The following SNTB1 variants were observed in gnomAD, a reference collection of about 807,000 sequenced individuals.
SNTB1 encodes beta-1-syntrophin.
In SNTB1, 36 loss-of-function variants were observed where a neutral mutation model predicts 48.9. That is an observed-to-expected ratio of 0.74 (90% CI 0.56 to 0.97). SNTB1 has a LOEUF of 0.97. Among genes scored for constraint, SNTB1 ranks in the 50% least tolerant of loss-of-function variants. The pLI is 0.00. For synonymous variants in SNTB1, 299 were observed against 294.6 expected, an observed-to-expected ratio of 1.01 and a Z score of -0.15; for missense variants, 786 against 703.4, an observed-to-expected ratio of 1.12 and a Z score of -1.33.
chr8:120,570,911 G>T (rs1001539929), intron 4 of SNTB1: 7 of 177,822 alleles, frequency 3.9e-5, no homozygotes, highest in Non-Finnish European at 8.2e-5. Context: ...CACTGTCCAG[G>T]CAGAGTTTGG....
intron 1 of SNTB1, among the ~76,000 whole-genome samples, chr8:120,755,868 C>T (rs1819310524): frequency 6.6e-6 from 1 of 152,090 alleles, no homozygotes; most frequent in South Asian, 2.1e-4. Flanking sequence ...ATTATAACCC[C>T]CATTTGCCAG....
intron 2 of SNTB1, among the ~76,000 whole-genome samples, chr8:120,670,535 G>A (rs1426050989): frequency 6.6e-6 from 1 of 152,196 alleles, no homozygotes; most frequent in Non-Finnish European, 1.5e-5. Context: ...GTAGGGAAGT[G>A]AGAGGATGAT....
chr8:120,624,732 A>ATGAG (rs57004201), intron 3 of SNTB1, among the ~76,000 whole-genome samples: 134,021 of 151,900 alleles, frequency 0.88, 59,408 homozygotes, highest in African/African-American at 0.97. Flanking sequence ...TACATCAGAT[A>ATGAG]TGAGACTCAA....
intron 6 of SNTB1, among the ~76,000 whole-genome samples, chr8:120,539,574 T>A (rs369399066): frequency 3.9e-5 from 6 of 152,222 alleles, no homozygotes; most frequent in African/African-American, 1.2e-4. Flanking sequence ...ATCTGAAGTC[T>A]TATGCTTCTT....
chr8:120,591,521 C>T (rs1050999121), intron 3 of SNTB1, among the ~76,000 whole-genome samples: 2 of 152,118 alleles, frequency 1.3e-5, no homozygotes, highest in African/African-American at 4.8e-5. Flanking sequence ...TGGTTTTATA[C>T]CTCAAAATGT....
chr8:120,646,748 T>A (rs1288312565), intron 2 of SNTB1, among the ~76,000 whole-genome samples: 1 of 152,182 alleles, frequency 6.6e-6, no homozygotes, highest in East Asian at 1.9e-4. Context: ...TGGTACCAGT[T>A]CCTCCTTGTA....
chr8:120,707,675 C>A lies in SNTB1; in HGVS notation c.572-13767G>T, dbSNP rs546265962. Among the ~76,000 whole-genome samples, 5 of 152,164 alleles carry A rather than the reference C, an allele frequency of 3.3e-5. No individual in the cohort carries two copies. In the East Asian group the frequency reaches 9.6e-4, roughly 29 times the overall value. On this transcript the variant is annotated intron_variant, in intron 1 of 6. Coordinates refer to ENST00000517992, the MANE Select transcript of SNTB1 (RefSeq NM_021021.4). The stretch of plus-strand genomic sequence containing the variant: ...TTTAACAATAAAAAGGTAGGCAAAT[C>A]GAGGTTCATAGAGTTTAAATATCTT...
chr8:120,740,090 G>A (rs1038872496), intron 1 of SNTB1, among the ~76,000 whole-genome samples: 1 of 152,178 alleles, frequency 6.6e-6, no homozygotes, highest in Admixed American at 6.5e-5. Flanking sequence ...TTGCCAGAGG[G>A]TGGATACTTA....
intron 3 of SNTB1, among the ~76,000 whole-genome samples, chr8:120,598,224 G>A (rs1296652758): frequency 6.6e-6 from 1 of 152,114 alleles, no homozygotes; most frequent in Non-Finnish European, 1.5e-5. Flanking sequence ...TCCAGGAAGA[G>A]TCTCAATTCT....
chr8:120,761,946 T>C, intron 1 of SNTB1, among the ~76,000 whole-genome samples: 1 of 152,348 alleles, frequency 6.6e-6, no homozygotes, highest in Non-Finnish European at 1.5e-5. Context: ...CTCATGGATT[T>C]CTAGTTCTTA....
chr8:120,589,151 G>A (rs1816198046), intron 3 of SNTB1, among the ~76,000 whole-genome samples: 1 of 152,134 alleles, frequency 6.6e-6, no homozygotes, highest in African/African-American at 2.4e-5. Context: ...ACTCTGATGT[G>A]CAGCCTGCTT....
chr8:120,766,166 T>A (rs1239574800), intron 1 of SNTB1, among the ~76,000 whole-genome samples: 3 of 152,200 alleles, frequency 2.0e-5, no homozygotes, highest in Non-Finnish European at 4.4e-5. Context: ...AAATGCTGCA[T>A]AACCACTGAG....
intron 3 of SNTB1, among the ~76,000 whole-genome samples, chr8:120,582,131 C>T (rs1198798560): frequency 6.6e-6 from 1 of 152,204 alleles, no homozygotes; most frequent in East Asian, 1.9e-4. Flanking sequence ...AGACAGTACT[C>T]TGGGCATTAA....
chr8:120,584,250 TG>T (rs1407305839), intron 3 of SNTB1, among the ~76,000 whole-genome samples: 1 of 152,072 alleles, frequency 6.6e-6, no homozygotes, highest in African/African-American at 2.4e-5. Context: ...GAGACCAGCC[TG>T]GCCAACACTG....
Position 120,811,785 on chromosome 8 carries a change from G to T in SNTB1, c.59C>A (p.Ala20Glu), listed in dbSNP as rs1488448634. The change falls in exon 1 of 7, where the codon GCG becomes GAG. Residue 20 changes from alanine to glutamate, a missense_variant. By Grantham distance (107) the Ala-to-Glu change is moderately radical (BLOSUM62 -1). Transcript: ENST00000517992. ...AGPAGAGGGRAQRSGLLEVLV... is the reference protein window; with the variant it reads ...AGPAGAGGGREQRSGLLEVLV... ...AACTTCCAGCAGCCCGCTCCGCTGCGCCCGGCCGCCTCCCGCGCCAGCCGG... is the reference window on the plus strand; with the variant it reads ...AACTTCCAGCAGCCCGCTCCGCTGCTCCCGGCCGCCTCCCGCGCCAGCCGG... The T allele has an allele frequency of 2.1e-6, 3 of 1,461,650 alleles. No homozygotes were observed. Among genetic ancestry groups the T allele is most frequent in the South Asian group, 3.0e-5 (2 of 67,146 alleles). 90.5% of individuals were successfully genotyped at this position (1,461,650 alleles called of 1,614,324 possible).
At chr8:120,567,417 T>TTTG (rs967764841) in intron 4 of SNTB1, among the ~76,000 whole-genome samples, 1 of 2,718 alleles carries the variant, frequency 3.7e-4, no homozygotes, top group African/African-American at 6.4e-4. Flanking sequence ...GTTGAGCTCC[T>TTTG]TTTTTTTTTT....
At chr8:120,802,222 C>G (rs117470424) in intron 1 of SNTB1, among the ~76,000 whole-genome samples, 4,395 of 152,186 alleles carry the variant, frequency 0.029, 93 homozygotes, top group Non-Finnish European at 0.046. Flanking sequence ...TATAAATTAA[C>G]AGTCAATAAA....
rs200132515 is a variant in SNTB1 at position 120,811,610 on chromosome 8, G to A, written c.234C>T (p.Gly78=). The change falls in exon 1 of 7, where the codon GGC becomes GGT. Residue 78 remains glycine (G), a synonymous_variant. Coordinates refer to ENST00000517992, the MANE Select transcript of SNTB1 (RefSeq NM_021021.4). ...FCRGAGAGHP[G]AGGAQPPDSP... is the part of the protein sequence containing the mutation. ...AGTCCGGGGGCTGCGCGCCGCCCGC[G>A]CCCGGGTGCCCAGCCCCGGCGCCCC... 12 of 1,582,082 alleles carry A rather than the reference G, an allele frequency of 7.6e-6. No individual in the cohort carries two copies. Among genetic ancestry groups the A allele is most frequent in the Admixed American group, 1.8e-5 (1 of 54,240 alleles).
At chr8:120,736,981 A>G (rs1345539354) in intron 1 of SNTB1, among the ~76,000 whole-genome samples, 1 of 152,146 alleles carries the variant, frequency 6.6e-6, no homozygotes, top group East Asian at 1.9e-4. Flanking sequence ...AGTTTGTAAC[A>G]TGGAATTTAA....
Sources: gnomAD v4.1 joint callset for allele counts (sites outside exome capture counted in the v4.1 genomes callset) on GRCh38, gnomAD v4.1.1 for gene constraint, MANE v1.5 for transcripts, NCBI Gene and HGNC (gene_info 2026-07-23, HGNC 2026-07-21) for gene names.